The following ANKRD24 variants were observed in gnomAD, a reference collection of about 807,000 sequenced individuals.
ANKRD24 encodes the protein ankyrin repeat domain-containing protein 24.
A neutral mutation model predicts 127.8 loss-of-function variants in ANKRD24; 109 were observed. That is an observed-to-expected ratio of 0.85 (90% CI 0.73 to 1.00). The LOEUF is 1.00. Ranked by LOEUF, ANKRD24 falls within the 50% of genes least tolerant of loss-of-function variation. The pLI is 0.00. For synonymous variants in ANKRD24, 743 were observed against 671.1 expected (o/e 1.11, Z -1.66); for missense variants, 1,648 against 1,570.2 (o/e 1.05, Z -0.84).
chr19:4,223,764 C>T (rs1349979095), intron 20 of ANKRD24, among the ~76,000 whole-genome samples: 1 of 152,004 alleles, frequency 6.6e-6, no homozygotes, highest in African/African-American at 2.4e-5. Context: ...CGGGGTTTCA[C>T]CATGTTAGCC....
Position 4,212,523 on chromosome 19 carries a change from AAGGTGGGG to A in ANKRD24, c.1098+14_1098+21del, listed in dbSNP as rs1455012754. ...CATCCTGGAGAGACAGGTAGGTGGG[AAGGTGGGG>A]AGGAGCCGGTCCTCCTGCTGCCCAG... On this transcript the variant is annotated intron_variant, in intron 14 of 21. Coordinates refer to ENST00000318934, the MANE Select transcript of ANKRD24 (RefSeq NM_001393985.1). 1 of 1,556,360 alleles carries A rather than the reference AAGGTGGGG, an allele frequency of 6.4e-7. No homozygotes were observed. The highest frequency in any genetic ancestry group is 8.7e-7 in the Non-Finnish European group (1 of 1,151,434).
At chr19:4,223,422 A>G (rs1970572982) in intron 20 of ANKRD24, among the ~76,000 whole-genome samples, 1 of 50,034 alleles carries the variant, frequency 2.0e-5, no homozygotes, top group Non-Finnish European at 3.5e-5. Flanking sequence ...TTTTTTTTTG[A>G]GCCAGTCTCA....
intron 5 of ANKRD24, among the ~76,000 whole-genome samples, chr19:4,201,117 C>T (rs1459745378): frequency 6.6e-6 from 1 of 151,922 alleles, no homozygotes; most frequent in Non-Finnish European, 1.5e-5. Context: ...AGCTTGAGCT[C>T]TTGGAGTAGC....
At chr19:4,216,503 G>T in intron 17 of ANKRD24, 47 bp from the exon 18 acceptor site, 1 of 1,566,714 alleles carries the variant, frequency 6.4e-7, no homozygotes, top group South Asian at 1.2e-5. Flanking sequence ...TGTCCCCACG[G>T]TCACATCAAC....
rs746193757 is a variant in ANKRD24, at chr19:4,219,725, G to A, written c.3138G>A (p.Glu1046=). The A allele has an allele frequency of 4.0e-5, 65 of 1,612,728 alleles. No individual in the cohort carries two copies. The highest frequency in any genetic ancestry group is 4.9e-5 in the Non-Finnish European group (58 of 1,179,436). The part of the protein sequence containing the change: ...RARQAQSRAQ[E]ALDKAKEKDK... ...GCCAGGCCCAGAGCCGGGCCCAGGA[G>A]GCTCTGGACAAGGCCAAGGAGAAGG... Residue 1046 remains glutamate, a synonymous_variant, in exon 19 of 22, where the codon GAG becomes GAA. Transcript: ENST00000318934.
chr19:4,216,492 G>T, intron 17 of ANKRD24, 58 bp from the exon 18 acceptor site: 4 of 1,561,066 alleles, frequency 2.6e-6, no homozygotes, highest in Admixed American at 3.8e-5. Context: ...AGGCTGCCCT[G>T]TGTCCCCACG....
At chr19:4,186,680 C>T (rs1030871667) in intron 2 of ANKRD24, among the ~76,000 whole-genome samples, 4 of 152,158 alleles carry the variant, frequency 2.6e-5, no homozygotes, top group South Asian at 2.1e-4. Context: ...AATTCCTTCT[C>T]GCCGCATTGC....
At chr19:4,190,142 A>C (rs1335228390) in intron 2 of ANKRD24, among the ~76,000 whole-genome samples, 1 of 152,124 alleles carries the variant, frequency 6.6e-6, no homozygotes, top group Non-Finnish European at 1.5e-5. Flanking sequence ...CACAGTCAAA[A>C]ATCCATGTAT....
Position 4,183,272 on chromosome 19 carries a change from G to T in ANKRD24, c.-37+532G>T, listed in dbSNP as rs200490859. On this transcript the variant is annotated intron_variant, in intron 1 of 21. Coordinates refer to ENST00000318934, the MANE Select transcript of ANKRD24 (RefSeq NM_001393985.1). ...TGGGATTACAGGCGTGAGCCACTGC[G>T]TCCGGCCAAGTTATCTGAGTATCAT... 4 of 984,882 alleles carry T rather than the reference G, an allele frequency of 4.1e-6. No individual in the cohort carries two copies. The South Asian group carries it at 1.4e-4, about 35-fold the overall frequency. 61.0% of individuals were successfully genotyped at this position (984,882 alleles called of 1,614,324 possible). A position where few individuals can be genotyped will look rare whatever the true frequency, so the allele number is the denominator to read the frequency against.
intron 13 of ANKRD24, among the ~76,000 whole-genome samples, chr19:4,210,845 GTT>G (rs1285514651): frequency 9.3e-6 from 1 of 107,920 alleles, no homozygotes; most frequent in African/African-American, 3.4e-5. Context: ...GTTTTGTTTT[GTT>G]TTTGAGACGG....
chr19:4,199,519 C>T lies in ANKRD24; in HGVS notation c.37-164C>T. 6.1e-6 allele frequency: 6 copies of T among 985,394 alleles called. No individual in the cohort carries two copies. Among genetic ancestry groups the T allele is most frequent in the Non-Finnish European group, 7.2e-6 (6 of 829,922 alleles). 61.0% of individuals were successfully genotyped at this position (985,394 alleles called of 1,614,324 possible). A position where few individuals can be genotyped will look rare whatever the true frequency, so the allele number is the denominator to read the frequency against. On this transcript the variant is annotated intron_variant, in intron 2 of 21. Coordinates refer to ENST00000318934, the MANE Select transcript of ANKRD24 (RefSeq NM_001393985.1). The surrounding 1 kb of genome is among the most constrained non-coding windows in gnomAD (Gnocchi z 5.2). ...GAGCCTCCATGCTCAGCCCAGGGGACAACGTTTTGGAAATAGATGCCAGGG... is the reference window on the plus strand; with the variant it reads ...GAGCCTCCATGCTCAGCCCAGGGGATAACGTTTTGGAAATAGATGCCAGGG...
At position 4,199,884 on chromosome 19, in the gene ANKRD24, T is replaced by C. The variant is rs1279275259; in HGVS notation, c.133T>C (p.Trp45Arg). 1 of 1,571,064 alleles carries C rather than the reference T, an allele frequency of 6.4e-7. No individual in the cohort carries two copies. Among genetic ancestry groups the C allele is most frequent in the African/African-American group, 1.4e-5 (1 of 73,720 alleles). Residue 45 changes from tryptophan (W) to arginine (R), a missense_variant, in exon 4 of 22, where the codon TGG becomes CGG. Physicochemically the swap from Trp to Arg is moderately radical, Grantham distance 101. Coordinates refer to ENST00000318934, the MANE Select transcript of ANKRD24 (RefSeq NM_001393985.1). The surrounding 1 kb of genome is among the most constrained non-coding windows in gnomAD (Gnocchi z 5.2). ...AARGRRQSQD[W>R]GKSDERLLQA... ...TGGGCGTGCCCTGCAGAGTCAAGACTGGGGCAAGAGTGACGAGAGGCTGCT... is the reference window on the plus strand; with the variant it reads ...TGGGCGTGCCCTGCAGAGTCAAGACCGGGGCAAGAGTGACGAGAGGCTGCT...
chr19:4,198,216 TC>T lies in ANKRD24; in HGVS notation c.37-1466del. ...CCTCCTCATCCTCCAGGCGACAAGG[TC>T]AGGAGGGGCCGGGGCGGCGCCCCTT... On this transcript the variant is annotated intron_variant, in intron 2 of 21. Coordinates refer to ENST00000318934, the MANE Select transcript of ANKRD24 (RefSeq NM_001393985.1). This position sits in a 1 kb window ranked among gnomAD's most constrained non-coding sequence, Gnocchi z 6.1. 1 of 547,032 alleles carries T rather than the reference TC, an allele frequency of 1.8e-6. No homozygotes were observed. The highest frequency in any genetic ancestry group is 3.2e-6 in the Non-Finnish European group (1 of 309,446). 33.9% of individuals were successfully genotyped at this position (547,032 alleles called of 1,614,324 possible). A position where few individuals can be genotyped will look rare whatever the true frequency, so the allele number is the denominator to read the frequency against.
In ANKRD24 at chr19:4,207,436, A is replaced by AT. The variant is rs557303969; in HGVS notation, c.538-64dup. ...TGAGGTGAAACTCAAGGGCAGTTAT[A>AT]TAGGCTTCTGCACCTCCCGGGGGTC... is the stretch of plus-strand genomic sequence containing the variant. On this transcript the variant is annotated intron_variant, in intron 8 of 21. Coordinates refer to ENST00000318934, the MANE Select transcript of ANKRD24 (RefSeq NM_001393985.1). 8.1e-5 allele frequency: 128 copies of AT among 1,578,814 alleles called. No individual in the cohort carries two copies. In the South Asian group the frequency reaches 1.3e-3, roughly 17 times the overall value.
intron 1 of ANKRD24, 54 bp downstream of exon 1, chr19:4,182,794 G>A: frequency 1.0e-6 from 1 of 973,594 alleles, no homozygotes; most frequent in Non-Finnish European, 1.2e-6. Flanking sequence ...GGAAATTGGG[G>A]CGGCCGCCTA....
chr19:4,192,124 C>CATTGCT (rs974936135), intron 2 of ANKRD24, among the ~76,000 whole-genome samples: 5 of 151,362 alleles, frequency 3.3e-5, no homozygotes, highest in Non-Finnish European at 5.9e-5. Flanking sequence ...CAACAGTTGG[C>CATTGCT]ATTGCTTACT....
chr19:4,191,551 G>A (rs1221554876), intron 2 of ANKRD24, among the ~76,000 whole-genome samples: 2 of 151,612 alleles, frequency 1.3e-5, no homozygotes, highest in African/African-American at 2.4e-5. Flanking sequence ...GCATGATCTC[G>A]GCTCACTGCA....
At chr19:4,189,400 A>G (rs919498263) in intron 2 of ANKRD24, among the ~76,000 whole-genome samples, 1 of 151,266 alleles carries the variant, frequency 6.6e-6, no homozygotes. Context: ...ACAGGCACGC[A>G]CTACCACGCC....
chr19:4,191,056 G>T (rs1041972342), intron 2 of ANKRD24, among the ~76,000 whole-genome samples: 6 of 152,158 alleles, frequency 3.9e-5, no homozygotes, highest in African/African-American at 1.4e-4. Flanking sequence ...ACCTCAGACG[G>T]GTGTGAGGGC....
Sources: gnomAD v4.1 joint callset for allele counts (sites outside exome capture counted in the v4.1 genomes callset) on GRCh38, gnomAD v4.1.1 for gene constraint, Gnocchi (gnomAD v3.1) non-coding constraint, MANE v1.5 for transcripts, NCBI Gene and HGNC (gene_info 2026-07-23, HGNC 2026-07-21) for gene names.